LGI1: variants seen among roughly 807,000 people sequenced by gnomAD.
LGI1 encodes leucine-rich glioma-inactivated protein 1.
Under a neutral mutation model 57.7 loss-of-function variants are expected in LGI1, and 11 were observed. The ratio of observed to expected loss-of-function variants is 0.19; its 90% CI spans 0.12 to 0.32. The LOEUF is 0.32. LGI1 is among the 10% of genes least tolerant of loss of function. The pLI is 1.00. For missense variants in LGI1, 422 were observed against 661.9 expected, an observed-to-expected ratio of 0.64 and a Z score of 3.98; for synonymous variants, 222 against 241.9, an observed-to-expected ratio of 0.92 and a Z score of 0.76.
chr10:93,768,422 C>G (rs1486399700), intron 2 of LGI1: 1 of 152,102 alleles, frequency 6.6e-6, no homozygotes, highest in Non-Finnish European at 1.5e-5. Context: ...AAACCTACAT[C>G]TTAGTATTCA....
intron 2 of LGI1, among the ~76,000 whole-genome samples, chr10:93,773,974 T>C (rs2059766848): frequency 6.6e-6 from 1 of 152,268 alleles, no homozygotes; most frequent in African/African-American, 2.4e-5. Flanking sequence ...TACATTGGTT[T>C]CATAAACCCC....
In LGI1 at chr10:93,775,214, C is replaced by T. The variant is rs115234080; in HGVS notation, c.288-2165C>T. Reference sequence around the variant, plus strand: ...TATTATCATTACCCCAAAAGATGCCCCTTGTGTTCTCTTCCAATTACTCCT... The same window carrying T: ...TATTATCATTACCCCAAAAGATGCCTCTTGTGTTCTCTTCCAATTACTCCT... On this transcript the variant is annotated intron_variant, in intron 2 of 7. Transcript: ENST00000371418. 8.5e-3 allele frequency among the ~76,000 whole-genome samples: 1,293 copies of T among 152,206 alleles called. 20 individuals carry two copies. Among genetic ancestry groups the T allele is most frequent in the African/African-American group, 0.03 (1,232 of 41,530 alleles).
At chr10:93,776,036 G>C (rs1214258417) in intron 2 of LGI1, 2 of 152,170 alleles carry the variant, frequency 1.3e-5, no homozygotes, top group Non-Finnish European at 2.9e-5. Context: ...AGCTGTGATG[G>C]AAATCATACA....
chr10:93,780,910 C>T (rs1247859543), intron 4 of LGI1, among the ~76,000 whole-genome samples: 1 of 152,184 alleles, frequency 6.6e-6, no homozygotes, highest in African/African-American at 2.4e-5. Context: ...CTTTCAGGTC[C>T]AGCTGGTTCC....
chr10:93,795,943 C>T (rs895122927), intron 7 of LGI1, among the ~76,000 whole-genome samples: 11 of 152,258 alleles, frequency 7.2e-5, no homozygotes, highest in Non-Finnish European at 1.0e-4. Flanking sequence ...TAATGTAGAA[C>T]TTTCTGCCCC....
intron 2 of LGI1, among the ~76,000 whole-genome samples, chr10:93,761,505 GC>G (rs1204088741): frequency 6.6e-6 from 1 of 152,118 alleles, no homozygotes; most frequent in Admixed American, 6.5e-5. Context: ...ATGTCAGTAT[GC>G]CCCCAGATGC....
At position 93,789,857 on chromosome 10, in the gene LGI1, G is replaced by A. The variant is rs2059921134; in HGVS notation, c.432-242G>A. ...ACTTCACTCCAGCCTGGGTGACAGA[G>A]CGAGACTTTTGTCTCAAGAAATAAA... On this transcript the variant is annotated intron_variant, in intron 4 of 7. Coordinates refer to ENST00000371418, the MANE Select transcript of LGI1 (RefSeq NM_005097.4). 9 of 480,876 alleles carry A rather than the reference G, an allele frequency of 1.9e-5. No homozygotes were observed. In the South Asian group the frequency reaches 2.5e-4, roughly 14 times the overall value. The allele number at this position is 480,876 out of a possible 1,614,324, so 29.8% of individuals were successfully genotyped here.
intron 7 of LGI1, among the ~76,000 whole-genome samples, chr10:93,795,456 A>G (rs2059972549): frequency 6.6e-6 from 1 of 152,192 alleles, no homozygotes; most frequent in Non-Finnish European, 1.5e-5. Flanking sequence ...CAAGGGCACA[A>G]ATTCCATTCA....
At chr10:93,768,712 A>G (rs1403500082) in intron 2 of LGI1, 1 of 152,210 alleles carries the variant, frequency 6.6e-6, no homozygotes, top group Non-Finnish European at 1.5e-5. Flanking sequence ...CATGTCAAGG[A>G]CATCCCTGCA....
intron 2 of LGI1, among the ~76,000 whole-genome samples, chr10:93,775,113 C>T (rs974599499): frequency 6.6e-6 from 1 of 151,982 alleles, no homozygotes; most frequent in African/African-American, 2.4e-5. Flanking sequence ...AAAAAGTGCA[C>T]GTTATAAATG....
intron 4 of LGI1, among the ~76,000 whole-genome samples, chr10:93,782,484 T>C (rs983194124): frequency 1.1e-4 from 16 of 152,124 alleles, no homozygotes; most frequent in Non-Finnish European, 2.1e-4. Context: ...TAAAACTCAC[T>C]GCCCAACCTC....
chr10:93,792,662 C>A, intron 5 of LGI1, 81 bp from the exon 6 acceptor site: 2 of 1,407,856 alleles, frequency 1.4e-6, no homozygotes, highest in Non-Finnish European at 2.0e-6. Flanking sequence ...TCATTCTGCA[C>A]ATGTTAATTG....
intron 4 of LGI1, among the ~76,000 whole-genome samples, chr10:93,780,935 A>G (rs1265947274): frequency 4.6e-5 from 7 of 152,238 alleles, no homozygotes; most frequent in African/African-American, 7.2e-5. Context: ...CTGGCCTAAC[A>G]TTAAAGCCAC....
chr10:93,783,921 A>G (rs1224932421), intron 4 of LGI1, among the ~76,000 whole-genome samples: 1 of 152,172 alleles, frequency 6.6e-6, no homozygotes, highest in African/African-American at 2.4e-5. Context: ...CTGAGGCAGG[A>G]GAATTGCTCG....
chr10:93,765,760 G>A (rs563668853), intron 2 of LGI1: 2 of 152,288 alleles, frequency 1.3e-5, no homozygotes, highest in South Asian at 4.1e-4. Flanking sequence ...CACGAGGTCA[G>A]GAGATGGAGA....
intron 2 of LGI1, among the ~76,000 whole-genome samples, chr10:93,776,236 T>C (rs2059792675): frequency 6.6e-6 from 1 of 152,146 alleles, no homozygotes; most frequent in South Asian, 2.1e-4. Context: ...TCTCATTTTG[T>C]TTGGTTGGTT....
intron 4 of LGI1, among the ~76,000 whole-genome samples, chr10:93,787,572 C>A (rs1315375016): frequency 6.6e-6 from 1 of 152,174 alleles, no homozygotes; most frequent in Admixed American, 6.5e-5. Context: ...TAAAGCTCTA[C>A]TCCTTTGGGC....
intron 2 of LGI1, chr10:93,771,212 T>C (rs998902210): frequency 2.0e-5 from 3 of 152,242 alleles, no homozygotes; most frequent in African/African-American, 7.2e-5. Flanking sequence ...ATTTAGAAAA[T>C]ATCAAGGCTG....
chr10:93,795,707 C>A (rs149582196), intron 7 of LGI1, among the ~76,000 whole-genome samples: 1 of 152,232 alleles, frequency 6.6e-6, no homozygotes, highest in East Asian at 1.9e-4. Flanking sequence ...TCCTTCTCAA[C>A]ACAGTTCCCC....
Sources: allele counts gnomAD v4.1 joint callset (sites outside exome capture counted in the v4.1 genomes callset), GRCh38; gene constraint gnomAD v4.1.1; transcripts MANE v1.5; gene names NCBI Gene and HGNC (gene_info 2026-07-23, HGNC 2026-07-21).